Variants in UROS observed in about 807,000 individuals in gnomAD.
UROS encodes the protein uroporphyrinogen-III synthase.
Under a neutral mutation model 33.0 loss-of-function variants are expected in UROS, and 18 were observed. That is an observed-to-expected ratio of 0.55 (90% CI 0.38 to 0.81). The LOEUF is 0.81. Ranked by LOEUF, UROS falls within the 30% of genes least tolerant of loss-of-function variation. The pLI, the probability that UROS is intolerant of heterozygous loss-of-function variation, is 0.00. For missense variants in UROS, 293 were observed against 314.9 expected (o/e 0.93, Z 0.53); for synonymous variants, 114 against 121.1 (o/e 0.94, Z 0.38).
chr10:125,794,208 C>T (rs962103437), intron 9 of UROS: 7 of 397,212 alleles, frequency 1.8e-5, no homozygotes, highest in East Asian at 3.2e-4. Context: ...CTCTGAGCCC[C>T]GTGCTCCATC....
At chr10:125,818,892 A>T (rs1400492260) in intron 1 of UROS, among the ~76,000 whole-genome samples, 2 of 152,208 alleles carry the variant, frequency 1.3e-5, no homozygotes, top group Admixed American at 1.3e-4. Flanking sequence ...AAGAATGATT[A>T]ATTTTCCTTA....
At chr10:125,788,278 C>T (rs1414276366), downstream of UROS, among the ~76,000 whole-genome samples, 1 of 152,194 alleles carries the variant, frequency 6.6e-6, no homozygotes, top group Admixed American at 6.5e-5. Flanking sequence ...TGCACATGAA[C>T]CTCTTCTCAG....
At chr10:125,805,873 G>A (rs73379289) in intron 6 of UROS, among the ~76,000 whole-genome samples, 1,684 of 152,232 alleles carry the variant, frequency 0.011, 30 homozygotes, top group African/African-American at 0.037. Context: ...AAGGTACAAC[G>A]AAGTTATTTT....
intron 6 of UROS, among the ~76,000 whole-genome samples, chr10:125,805,637 T>C (rs539609203): frequency 6.6e-6 from 1 of 152,346 alleles, no homozygotes; most frequent in South Asian, 2.1e-4. Context: ...AATTTTCAAT[T>C]GTATTTAATT....
intron 1 of UROS, among the ~76,000 whole-genome samples, chr10:125,818,385 C>A (rs1175869054): frequency 6.6e-6 from 1 of 151,944 alleles, no homozygotes; most frequent in African/African-American, 2.4e-5. Context: ...CCTAACTACG[C>A]AGGAGGCTGA....
chr10:125,817,306 G>C (rs1853425857), intron 1 of UROS, among the ~76,000 whole-genome samples: 2 of 144,980 alleles, frequency 1.4e-5, no homozygotes, highest in South Asian at 4.5e-4. Context: ...GAGCTCAGGT[G>C]ATCTACCTGC....
At chr10:125,813,532 A>C (rs1383898025) in intron 4 of UROS, among the ~76,000 whole-genome samples, 1 of 152,226 alleles carries the variant, frequency 6.6e-6, no homozygotes, top group Non-Finnish European at 1.5e-5. Context: ...CATCTAGCGT[A>C]TAATGGCACA....
chr10:125,800,440 G>A (rs1484051951), intron 6 of UROS, among the ~76,000 whole-genome samples: 2 of 152,174 alleles, frequency 1.3e-5, no homozygotes, highest in African/African-American at 2.4e-5. Flanking sequence ...ACTAGGATTC[G>A]CACCTTACGC....
At position 125,790,299 on chromosome 10, in the gene UROS, T is replaced by C. The variant is rs557209339; in HGVS notation, c.661-1294A>G. On this transcript the variant is annotated intron_variant, in intron 9 of 9. Transcript: ENST00000368797. ...ATTCAAAACAGATCAAATACCTAAG[T>C]TCAGAGCTAAAACTACACAACTCGT... Among the ~76,000 whole-genome samples the C allele has an allele frequency of 8.9e-4, 135 of 152,216 alleles. No individual in the cohort carries two copies. The Middle Eastern group carries it at 0.017, about 19-fold the overall frequency.
chr10:125,807,551 AT>A, intron 5 of UROS, 64 bp from the exon 6 acceptor site: 1 of 1,337,954 alleles, frequency 7.5e-7, no homozygotes, highest in Non-Finnish European at 1.1e-6. Context: ...TTCCAGCGTT[AT>A]TTTTTAACGT....
intron 9 of UROS, among the ~76,000 whole-genome samples, chr10:125,790,449 A>G (rs1298906202): frequency 6.6e-6 from 1 of 152,244 alleles, no homozygotes; most frequent in Non-Finnish European, 1.5e-5. Context: ...GAACTTTATC[A>G]AAAAAGTAAA....
intron 5 of UROS, among the ~76,000 whole-genome samples, chr10:125,807,743 A>T (rs1852457754): frequency 6.6e-6 from 1 of 152,174 alleles, no homozygotes; most frequent in South Asian, 2.1e-4. Context: ...CACATAGCTC[A>T]TCTACAAGAG....
downstream of UROS, among the ~76,000 whole-genome samples, chr10:125,786,138 C>T (rs10751532): frequency 0.42 from 63,602 of 151,912 alleles, 13,628 homozygotes; most frequent in Non-Finnish European, 0.47. Context: ...TCTGGGAATC[C>T]GGCACCTAGA....
At position 125,788,830 on chromosome 10, in the gene UROS, C is replaced by T. The variant is rs774482077; in HGVS notation, c.*38G>A. On this transcript the variant is annotated 3_prime_UTR_variant, in exon 10 of 10. Transcript: ENST00000368797. ...TGGCTCCATCCAGAGCCAGCCCAGC[C>T]CAGGGAGGCTGCATGGGGCCAGCGC... is the stretch of plus-strand genomic sequence containing the variant. 7 of 1,553,606 alleles carry T rather than the reference C, an allele frequency of 4.5e-6. No homozygotes were observed. The highest frequency in any genetic ancestry group is 5.2e-6 in the Non-Finnish European group (6 of 1,149,662).
chr10:125,807,687 TTG>T (rs1057321797), intron 5 of UROS, among the ~76,000 whole-genome samples, 200 bp from the exon 6 acceptor site: 7 of 152,304 alleles, frequency 4.6e-5, no homozygotes, highest in African/African-American at 1.7e-4. Context: ...TGCACCCCAG[TTG>T]TGTAGGCTGG....
intron 1 of UROS, among the ~76,000 whole-genome samples, chr10:125,820,065 G>GTTGT: frequency 6.6e-6 from 1 of 152,234 alleles, no homozygotes; most frequent in South Asian, 2.1e-4. Flanking sequence ...GGTGTTCTGG[G>GTTGT]TATCAGCAAT....
At chr10:125,792,736 CAGGG>C (rs1589921757) in intron 9 of UROS, 1 of 152,296 alleles carries the variant, frequency 6.6e-6, no homozygotes, top group Admixed American at 6.5e-5. Flanking sequence ...GTGGGCCCTA[CAGGG>C]ACTCCTGGGG....
At position 125,804,577 on chromosome 10, in the gene UROS, G is replaced by GC. The variant is rs549762580; in HGVS notation, c.394+2835_394+2836insG. 5.9e-4 allele frequency among the ~76,000 whole-genome samples: 90 copies of GC among 152,320 alleles called. No homozygotes were observed. The East Asian group carries it at 0.015, about 26-fold the overall frequency. ...TCAGCATCCAATACTTGTATCTAAA[G>GC]TGGGGGACAGTTTGCTAAGACTGAG... On this transcript the variant is annotated intron_variant, in intron 6 of 9. Coordinates refer to ENST00000368797, the MANE Select transcript of UROS (RefSeq NM_000375.3).
intron 5 of UROS, among the ~76,000 whole-genome samples, chr10:125,809,574 T>G (rs898700719): frequency 2.6e-5 from 4 of 152,206 alleles, no homozygotes; most frequent in African/African-American, 9.7e-5. Context: ...ATAACATCGT[T>G]TCATTCAACA....
Sources: allele counts gnomAD v4.1 joint callset (sites outside exome capture counted in the v4.1 genomes callset), GRCh38; gene constraint gnomAD v4.1.1; transcripts MANE v1.5; gene names NCBI Gene and HGNC (gene_info 2026-07-23, HGNC 2026-07-21).